The following PRIMA1 variants were observed in gnomAD, a reference collection of about 807,000 sequenced individuals.
The protein encoded by PRIMA1 is proline-rich membrane anchor 1.
Under a neutral mutation model 17.5 loss-of-function variants are expected in PRIMA1, and 7 were observed. The observed-to-expected ratio is 0.40, with a 90% CI of 0.23 to 0.75. The LOEUF (loss-of-function observed/expected upper bound fraction) is 0.75. PRIMA1 is among the 30% of genes least tolerant of loss of function. The pLI is 0.37. For synonymous variants in PRIMA1, 97 were observed against 77.9 expected, an observed-to-expected ratio of 1.25 and a Z score of -1.29; for missense variants, 200 against 201.8, an observed-to-expected ratio of 0.99 and a Z score of 0.05.
At chr14:93,732,233 C>T (rs1290990084) in intron 4 of PRIMA1, among the ~76,000 whole-genome samples, 1 of 152,188 alleles carries the variant, frequency 6.6e-6, no homozygotes, top group Non-Finnish European at 1.5e-5. Flanking sequence ...CTCCCCTCAA[C>T]ACAGGAGCTC....
At chr14:93,739,096 A>G (rs2076168855) in intron 3 of PRIMA1, among the ~76,000 whole-genome samples, 1 of 150,394 alleles carries the variant, frequency 6.6e-6, no homozygotes, top group East Asian at 1.9e-4. Context: ...CTTGTTGCCC[A>G]GGCTGGAGTG....
rs535401986 is a variant in PRIMA1 at position 93,754,437 on chromosome 14, G to T, written c.230-17067C>A. On this transcript the variant is annotated intron_variant, in intron 3 of 4. Transcript: ENST00000393140. ...TAACATTGCCTAGGGGGGCCATGGT[G>T]GGGGGGGCCTTGACCTCTGTCCTCT... Among the ~76,000 whole-genome samples, 92 of 150,950 alleles carry T rather than the reference G, an allele frequency of 6.1e-4. 1 individual carries two copies. The highest frequency in any genetic ancestry group is 1.4e-3 in the African/African-American group (57 of 40,932).
chr14:93,774,981 G>T (rs544249488), intron 3 of PRIMA1, among the ~76,000 whole-genome samples: 1 of 152,354 alleles, frequency 6.6e-6, no homozygotes, highest in East Asian at 1.9e-4. Flanking sequence ...ATAGGCTAAA[G>T]AAAGGCTCAT....
chr14:93,764,110 C>G (rs1051655076), intron 3 of PRIMA1, among the ~76,000 whole-genome samples: 1 of 152,084 alleles, frequency 6.6e-6, no homozygotes, highest in African/African-American at 2.4e-5. Context: ...TCTAACCCCC[C>G]AGCACTGCCT....
At chr14:93,737,614 G>T (rs2076159251) in intron 3 of PRIMA1, among the ~76,000 whole-genome samples, 1 of 152,028 alleles carries the variant, frequency 6.6e-6, no homozygotes, top group Non-Finnish European at 1.5e-5. Context: ...GCGTGGGGAG[G>T]TCACTGGTGG....
chr14:93,750,112 C>T (rs1000149273), intron 3 of PRIMA1, among the ~76,000 whole-genome samples: 19 of 152,094 alleles, frequency 1.2e-4, no homozygotes, highest in Admixed American at 7.9e-4. Context: ...CGCTTGAGCC[C>T]GGGAGGCAGA....
At position 93,719,342 on chromosome 14, in the gene PRIMA1, G is replaced by A. The variant is rs1425087344; in HGVS notation, c.*2102C>T. ...GGTTTAAGCCAAGGTAGGGAATGATGGGACCAGGCGAGTGTGCGCAAAGCT... is the reference window on the plus strand; with the variant it reads ...GGTTTAAGCCAAGGTAGGGAATGATAGGACCAGGCGAGTGTGCGCAAAGCT... On this transcript the variant is annotated 3_prime_UTR_variant, in exon 5 of 5. Transcript: ENST00000393140. 1 of 152,210 alleles carries A rather than the reference G, an allele frequency of 6.6e-6. No homozygotes were observed. Among genetic ancestry groups the A allele is most frequent in the Non-Finnish European group, 1.5e-5 (1 of 68,038 alleles). The allele number at this position is 152,210 out of a possible 1,614,324, so 9.4% of individuals were successfully genotyped here.
chr14:93,738,703 C>G (rs924925537), intron 3 of PRIMA1, among the ~76,000 whole-genome samples: 1 of 152,156 alleles, frequency 6.6e-6, no homozygotes, highest in African/African-American at 2.4e-5. Context: ...ATGCACCCCC[C>G]ATCTTAAAAG....
chr14:93,725,523 G>T (rs966231849), intron 4 of PRIMA1, among the ~76,000 whole-genome samples: 1 of 152,200 alleles, frequency 6.6e-6, no homozygotes, highest in Non-Finnish European at 1.5e-5. Context: ...GTGCTAAGCG[G>T]CAGATGTCAA....
chr14:93,728,199 C>A (rs899888622), intron 4 of PRIMA1, among the ~76,000 whole-genome samples: 2 of 152,334 alleles, frequency 1.3e-5, no homozygotes, highest in East Asian at 3.9e-4. Context: ...GTGCACACAA[C>A]GGACTCATAT....
chr14:93,771,529 C>T (rs970954292), intron 3 of PRIMA1, among the ~76,000 whole-genome samples: 1 of 152,120 alleles, frequency 6.6e-6, no homozygotes, highest in African/African-American at 2.4e-5. Flanking sequence ...TGGCCCCAGC[C>T]CTGGCTGACA....
chr14:93,783,232 A>T (rs553994405), intron 2 of PRIMA1, among the ~76,000 whole-genome samples: 20 of 152,232 alleles, frequency 1.3e-4, no homozygotes, highest in Non-Finnish European at 1.6e-4. Flanking sequence ...CTATGTGTCC[A>T]TCATGGGTTC....
rs144035124 is a variant in PRIMA1, at chr14:93,758,072, G to A, written c.230-20702C>T. On this transcript the variant is annotated intron_variant, in intron 3 of 4. Coordinates refer to ENST00000393140, the MANE Select transcript of PRIMA1 (RefSeq NM_178013.4). ...CATGGAACATTCCAGCTGAAACCAC[G>A]CCCTGGCTCATTCCTTCACTTTCCT... Among the ~76,000 whole-genome samples the A allele has an allele frequency of 7.0e-4, 106 of 152,248 alleles. 1 individual carries two copies. The East Asian group carries it at 0.016, about 23-fold the overall frequency.
At chr14:93,758,594 CA>C (rs34329291) in intron 3 of PRIMA1, among the ~76,000 whole-genome samples, 33,925 of 80,896 alleles carry the variant, frequency 0.42, 3,969 homozygotes, top group Non-Finnish European at 0.44. Context: ...GCAAGACTCT[CA>C]AAAAAAAAAA....
At chr14:93,725,883 G>T (rs930663471) in intron 4 of PRIMA1, 1 of 454,774 alleles carries the variant, frequency 2.2e-6, no homozygotes. Context: ...AGAGTTGTTA[G>T]GACCCAGCCT....
chr14:93,727,750 A>G (rs1288420456), intron 4 of PRIMA1, among the ~76,000 whole-genome samples: 1 of 151,218 alleles, frequency 6.6e-6, no homozygotes, highest in African/African-American at 2.5e-5. Context: ...CACCAGCCCC[A>G]GGTCACGGAA....
intron 4 of PRIMA1, among the ~76,000 whole-genome samples, chr14:93,729,092 G>A (rs761433499): frequency 6.6e-5 from 10 of 152,236 alleles, no homozygotes; most frequent in Non-Finnish European, 1.3e-4. Context: ...CTAGAAGGTG[G>A]CAGTGAGGCC....
chr14:93,765,955 T>TA (rs1884883309), intron 3 of PRIMA1, among the ~76,000 whole-genome samples: 1 of 152,174 alleles, frequency 6.6e-6, no homozygotes, highest in South Asian at 2.1e-4. Flanking sequence ...CGATAATATA[T>TA]AAAATGAGGG....
intron 4 of PRIMA1, among the ~76,000 whole-genome samples, chr14:93,735,987 C>T (rs2076147636): frequency 6.6e-6 from 1 of 152,230 alleles, no homozygotes; most frequent in Non-Finnish European, 1.5e-5. Flanking sequence ...CCACACCTGG[C>T]CCCACCTTGG....
Sources: gnomAD v4.1 joint callset for allele counts (sites outside exome capture counted in the v4.1 genomes callset) on GRCh38, gnomAD v4.1.1 for gene constraint, MANE v1.5 for transcripts, NCBI Gene and HGNC (gene_info 2026-07-23, HGNC 2026-07-21) for gene names.